BLZF1: variants seen among roughly 807,000 people sequenced by gnomAD.
BLZF1 encodes the protein basic leucine zipper nuclear factor 1.
In BLZF1, 39 loss-of-function variants were observed where a neutral mutation model predicts 43.8. The observed-to-expected ratio is 0.89, with a 90% CI of 0.69 to 1.16. The LOEUF (loss-of-function observed/expected upper bound fraction) is 1.16. Ranked by LOEUF, BLZF1 falls within the 50% of genes most tolerant of loss-of-function variation. BLZF1 has a pLI of 0.00. For missense variants in BLZF1, 449 were observed against 469.8 expected (o/e 0.96, Z 0.41); for synonymous variants, 136 against 159.4 (o/e 0.85, Z 1.11).
At chr1:169,386,938 A>G in intron 6 of BLZF1, 59 bp from the exon 7 acceptor site, 2 of 1,281,538 alleles carry the variant, frequency 1.6e-6, no homozygotes, top group Non-Finnish European at 2.2e-6. Context: ...CATCAATGAA[A>G]TCTTAGGCTT....
chr1:169,391,185 T>C (rs144586080), downstream of BLZF1, among the ~76,000 whole-genome samples: 52 of 152,326 alleles, frequency 3.4e-4, no homozygotes, highest in African/African-American at 1.2e-3. Context: ...TTATTATTGC[T>C]TCCCGTGGCA....
At chr1:169,395,414 T>A (rs1654962953) in intron 7 of BLZF1, among the ~76,000 whole-genome samples, 1 of 152,224 alleles carries the variant, frequency 6.6e-6, no homozygotes, top group Admixed American at 6.5e-5. Context: ...GGTCAAATGT[T>A]TGAAATTGTC....
rs1557849164 is a variant in BLZF1 at position 169,380,540 on chromosome 1, C to G, written c.728C>G (p.Ala243Gly). Residue 243 changes from alanine (A) to glycine (G), a missense_variant, in exon 5 of 7, where the codon GCA (alanine) becomes GGA (glycine). Transcript: ENST00000367808. ...GCTTTACAGCGTCAAAACCGTGATG[C>G]ACACGGGGCTATACAAGATCTCCTA... ...RAALQRQNRD[A>G]HGAIQDLLSE... The G allele has an allele frequency of 6.2e-7, 1 of 1,612,716 alleles. No homozygotes were observed. Among genetic ancestry groups the G allele is most frequent in the South Asian group, 1.1e-5 (1 of 91,000 alleles).
At chr1:169,386,908 A>T (rs950732754) in intron 6 of BLZF1, 89 bp from the exon 7 acceptor site, 2 of 902,518 alleles carry the variant, frequency 2.2e-6, no homozygotes, top group Non-Finnish European at 3.3e-6. Context: ...TAATGAAGTG[A>T]AACTTTATAG....
chr1:169,381,856 C>T (rs1654536196), intron 5 of BLZF1, among the ~76,000 whole-genome samples: 1 of 152,108 alleles, frequency 6.6e-6, no homozygotes, highest in African/African-American at 2.4e-5. Flanking sequence ...AAATGATTTT[C>T]ATACAACAAC....
At chr1:169,395,238 G>C in intron 7 of BLZF1, 1 of 1,577,610 alleles carries the variant, frequency 6.3e-7, no homozygotes. Context: ...GATTTGGTGA[G>C]TATCAACCTG....
At position 169,376,984 on chromosome 1, in the gene BLZF1, GA is replaced by G. The variant is rs1396053960; in HGVS notation, c.468+7del. ...CAGCTCCGTGTACAGACAGAGGTAA[GA>G]AGAGCCTTAATCGATAAAATGAGTA... On this transcript the variant is annotated splice_donor_region_variant and intron_variant, in intron 3 of 6. Transcript: ENST00000367808. 6.2e-7 allele frequency: 1 copy of G among 1,609,214 alleles called. No individual in the cohort carries two copies.
intron 7 of BLZF1, among the ~76,000 whole-genome samples, chr1:169,393,777 T>A (rs546587816): frequency 3.3e-5 from 5 of 152,100 alleles, no homozygotes; most frequent in African/African-American, 1.2e-4. Context: ...AATTTTTGTA[T>A]TTTTAGTAGA....
intron 2 of BLZF1, among the ~76,000 whole-genome samples, chr1:169,370,611 G>A (rs1369013696): frequency 1.3e-5 from 2 of 152,190 alleles, no homozygotes; most frequent in African/African-American, 2.4e-5. Context: ...CAAACTTCAA[G>A]TGGTCGGTAG....
At chr1:169,378,618 G>C in intron 4 of BLZF1, 89 bp downstream of exon 4, 4 of 1,276,498 alleles carry the variant, frequency 3.1e-6, no homozygotes, top group Non-Finnish European at 4.4e-6. Flanking sequence ...ATTGTAGTGT[G>C]AAAATTTCTG....
chr1:169,378,618 G>A (rs1654438108), intron 4 of BLZF1, 89 bp downstream of exon 4: 1 of 1,276,496 alleles, frequency 7.8e-7, no homozygotes, highest in Middle Eastern at 1.9e-4. Context: ...ATTGTAGTGT[G>A]AAAATTTCTG....
At chr1:169,377,371 A>G (rs1217778846) in intron 3 of BLZF1, 1 of 183,710 alleles carries the variant, frequency 5.4e-6, no homozygotes, top group Non-Finnish European at 1.1e-5. Context: ...GAATAAAGAG[A>G]ATGGCGATAT....
At chr1:169,375,103 T>C (rs1654256084) in intron 2 of BLZF1, among the ~76,000 whole-genome samples, 1 of 151,740 alleles carries the variant, frequency 6.6e-6, no homozygotes, top group Admixed American at 6.6e-5. Context: ...AAGAAAAATA[T>C]GTAGGCATAA....
intron 2 of BLZF1, among the ~76,000 whole-genome samples, chr1:169,371,036 C>T (rs1241940995): frequency 1.3e-5 from 2 of 152,170 alleles, no homozygotes; most frequent in Non-Finnish European, 2.9e-5. Context: ...AACTGACCTC[C>T]AGCCACAAAC....
intron 4 of BLZF1, among the ~76,000 whole-genome samples, chr1:169,379,730 T>C (rs1477323856): frequency 2.6e-5 from 4 of 151,984 alleles, no homozygotes; most frequent in African/African-American, 9.7e-5. Flanking sequence ...TACTTGAACA[T>C]TTTGCTTCAA....
chr1:169,377,056 A>G (rs1419802866), intron 3 of BLZF1, 77 bp downstream of exon 3: 6 of 1,179,962 alleles, frequency 5.1e-6, no homozygotes, highest in South Asian at 4.5e-5. Flanking sequence ...TTAGAAAACT[A>G]CATTTCTTTA....
intron 7 of BLZF1, chr1:169,395,312 G>A (rs1467860702): frequency 2.0e-6 from 2 of 993,744 alleles, no homozygotes; most frequent in East Asian, 2.9e-5. Flanking sequence ...TCTTTACAAT[G>A]AAATACTGTC....
intron 2 of BLZF1, among the ~76,000 whole-genome samples, chr1:169,376,161 TTGAG>T (rs1468672953): frequency 1.3e-5 from 2 of 152,154 alleles, no homozygotes; most frequent in African/African-American, 4.8e-5. Flanking sequence ...ACTAACATTA[TTGAG>T]TGTCTACAGT....
At chr1:169,392,123 C>T (rs955086147), downstream of BLZF1, among the ~76,000 whole-genome samples, 1 of 152,148 alleles carries the variant, frequency 6.6e-6, no homozygotes, top group African/African-American at 2.4e-5. Context: ...TGCCACAATC[C>T]TGTGTTCATG....
Sources: gnomAD v4.1 joint callset for allele counts (sites outside exome capture counted in the v4.1 genomes callset) on GRCh38, gnomAD v4.1.1 for gene constraint, MANE v1.5 for transcripts, NCBI Gene and HGNC (gene_info 2026-07-23, HGNC 2026-07-21) for gene names.